Variants in NEK4 observed in about 807,000 individuals in gnomAD.
The protein encoded by NEK4 is NIMA related kinase 4.
Under a neutral mutation model 98.4 loss-of-function variants are expected in NEK4, and 86 were observed. The observed-to-expected ratio is 0.87, with a 90% CI of 0.73 to 1.05. NEK4 has a LOEUF of 1.05. Ranked by LOEUF, NEK4 falls within the 50% of genes least tolerant of loss-of-function variation. The pLI is 0.00. For missense variants in NEK4, 898 were observed against 950.3 expected (o/e 0.94, Z 0.72); for synonymous variants, 328 against 342.2 (o/e 0.96, Z 0.46).
At chr3:52,743,813 C>T (rs2097390885) in intron 11 of NEK4, among the ~76,000 whole-genome samples, 1 of 152,180 alleles carries the variant, frequency 6.6e-6, no homozygotes, top group African/African-American at 2.4e-5. Flanking sequence ...ATGGAAACTG[C>T]TAGTACTATC....
intron 15 of NEK4, chr3:52,733,912 T>C (rs369963333): frequency 3.0e-4 from 84 of 282,444 alleles, no homozygotes; most frequent in Non-Finnish European, 4.4e-4. Context: ...TAACACAACA[T>C]TGGAAGACTC....
rs1456997320 is a variant in NEK4 at position 52,770,903 on chromosome 3, A to C, written c.-157T>G. 13 of 630,736 alleles carry C rather than the reference A, an allele frequency of 2.1e-5. No homozygotes were observed. In the Admixed American group the frequency reaches 2.3e-4, roughly 11 times the overall value. 39.1% of individuals were successfully genotyped at this position (630,736 alleles called of 1,614,324 possible). ...GATTGCTGGGGCCCGGCCCGCGACG[A>C]CGCCGCTGCCATAGCGATCCGGGCC... On this transcript the variant is annotated 5_prime_UTR_variant, in exon 1 of 16. Transcript: ENST00000233027.
At chr3:52,722,021 G>C (rs1483999412) in intron 15 of NEK4, among the ~76,000 whole-genome samples, 4 of 152,150 alleles carry the variant, frequency 2.6e-5, no homozygotes, top group African/African-American at 9.7e-5. Context: ...GTTCCTCTTT[G>C]CTCGCCCTTT....
intron 15 of NEK4, among the ~76,000 whole-genome samples, chr3:52,734,501 T>C (rs2097373187): frequency 6.8e-6 from 1 of 146,796 alleles, no homozygotes; most frequent in African/African-American, 2.5e-5. Context: ...GGTGAAACCC[T>C]GTCCCTACTA....
At chr3:52,767,449 C>G (rs1166488514) in intron 2 of NEK4, among the ~76,000 whole-genome samples, 1 of 151,568 alleles carries the variant, frequency 6.6e-6, no homozygotes, top group African/African-American at 2.4e-5. Context: ...TGGTGGCTCA[C>G]GCCTATAATC....
chr3:52,718,505 T>C (rs1430128402), intron 15 of NEK4, among the ~76,000 whole-genome samples: 4 of 150,292 alleles, frequency 2.7e-5, no homozygotes, highest in Non-Finnish European at 1.5e-5. Context: ...AATACAATTA[T>C]AGCCTTTTAC....
chr3:52,764,341 C>T (rs528828747), intron 4 of NEK4, among the ~76,000 whole-genome samples: 121 of 146,636 alleles, frequency 8.3e-4, no homozygotes, highest in African/African-American at 2.8e-3. Context: ...TTAAAAAATA[C>T]AAGACTTGGG....
intron 15 of NEK4, among the ~76,000 whole-genome samples, chr3:52,718,702 C>T (rs187204204): frequency 6.6e-6 from 1 of 152,250 alleles, no homozygotes; most frequent in South Asian, 2.1e-4. Context: ...CAAGCTAGCA[C>T]GCAGACCCCT....
At chr3:52,747,485 GC>G (rs2097398289) in intron 8 of NEK4, 1 of 149,706 alleles carries the variant, frequency 6.7e-6, no homozygotes, top group Non-Finnish European at 1.5e-5. Flanking sequence ...GAAAAGAAAA[GC>G]AGTTGCAATT....
intron 6 of NEK4, chr3:52,753,889 G>A: frequency 2.8e-6 from 1 of 354,456 alleles, no homozygotes; most frequent in Non-Finnish European, 5.5e-6. Flanking sequence ...GCATATTTAG[G>A]CCAGGCGCGG....
intron 15 of NEK4, among the ~76,000 whole-genome samples, chr3:52,714,194 C>CCACT (rs545457916): frequency 8.0e-4 from 122 of 152,314 alleles, no homozygotes; most frequent in African/African-American, 2.7e-3. Context: ...CGTGATCATG[C>CCACT]CACTGCACTC....
Position 52,746,088 on chromosome 3 carries a change from T to C in NEK4, c.1800A>G (p.Ser600=), listed in dbSNP as rs779220129. The C allele has an allele frequency of 1.2e-6, 2 of 1,614,108 alleles. No homozygotes were observed. The highest frequency in any genetic ancestry group is 1.3e-5 in the African/African-American group (1 of 75,046). ...TTGATGATGACATCTCACTGCTCCT[T>C]GAACTGCTCACAGACCCAGTGACCA... The part of the protein sequence containing the change: ...RRVVTGSVSS[S]RSSEMSSSKD... Residue 600 remains serine (S), a synonymous_variant, in exon 10 of 16, where the codon TCA becomes TCG. Coordinates refer to ENST00000233027, the MANE Select transcript of NEK4 (RefSeq NM_003157.6).
At chr3:52,750,353 G>A (rs1418898022) in intron 7 of NEK4, among the ~76,000 whole-genome samples, 3 of 152,102 alleles carry the variant, frequency 2.0e-5, no homozygotes, top group South Asian at 4.1e-4. Context: ...TTTGAGACCA[G>A]TCTGGCCAAC....
At position 52,761,428 on chromosome 3, in the gene NEK4, G is replaced by A. The variant is rs531112590; in HGVS notation, c.822-492C>T. 4.5e-4 allele frequency among the ~76,000 whole-genome samples: 69 copies of A among 152,068 alleles called. No homozygotes were observed. In the South Asian group the frequency reaches 8.5e-3, roughly 19 times the overall value. The stretch of plus-strand genomic sequence containing the variant: ...CGAGTAGCTGGGACTACAGGTGCAC[G>A]CCACCACGCCCGGCTAATTTTTTTG... On this transcript the variant is annotated intron_variant, in intron 5 of 15. Coordinates refer to ENST00000233027, the MANE Select transcript of NEK4 (RefSeq NM_003157.6).
At chr3:52,765,457 A>G (rs984481062) in intron 4 of NEK4, among the ~76,000 whole-genome samples, 2 of 152,086 alleles carry the variant, frequency 1.3e-5, no homozygotes, top group African/African-American at 2.4e-5. Flanking sequence ...TCTGGAGTCT[A>G]TATCAGACAC....
At chr3:52,725,318 T>C (rs1431433399) in intron 15 of NEK4, among the ~76,000 whole-genome samples, 2 of 152,062 alleles carry the variant, frequency 1.3e-5, no homozygotes, top group Non-Finnish European at 2.9e-5. Flanking sequence ...GAGACCATCC[T>C]GGCTAACACG....
At chr3:52,720,999 T>C (rs938643434) in intron 15 of NEK4, among the ~76,000 whole-genome samples, 3 of 152,208 alleles carry the variant, frequency 2.0e-5, no homozygotes, top group East Asian at 1.9e-4. Context: ...CAACCAGAAA[T>C]TGTACTGACA....
chr3:52,750,406 G>T (rs2097403072), intron 7 of NEK4, among the ~76,000 whole-genome samples: 1 of 151,888 alleles, frequency 6.6e-6, no homozygotes, highest in Non-Finnish European at 1.5e-5. Context: ...AAATCAGCTG[G>T]GCATGGTGGT....
chr3:52,751,710 C>G (rs1198266445), intron 7 of NEK4, among the ~76,000 whole-genome samples: 1 of 152,092 alleles, frequency 6.6e-6, no homozygotes, highest in African/African-American at 2.4e-5. Flanking sequence ...ATAGGCAAAT[C>G]CATAGAGACA....
Sources: gnomAD v4.1 joint callset for allele counts (sites outside exome capture counted in the v4.1 genomes callset) on GRCh38, gnomAD v4.1.1 for gene constraint, MANE v1.5 for transcripts, NCBI Gene and HGNC (gene_info 2026-07-23, HGNC 2026-07-21) for gene names.